The following ITPR2 variants were observed in gnomAD, a reference collection of about 807,000 sequenced individuals.
ITPR2 encodes the protein inositol 1,4,5-trisphosphate-gated calcium channel ITPR2.
Under a neutral mutation model 317.1 loss-of-function variants are expected in ITPR2, and 207 were observed. The observed-to-expected ratio is 0.65, with a 90% CI of 0.58 to 0.73. The LOEUF (loss-of-function observed/expected upper bound fraction) is 0.73, where lower values mean the gene tolerates loss of function less well. ITPR2 is among the 30% of genes least tolerant of loss of function. The probability of loss-of-function intolerance (pLI) is 0.00; values close to 1 mark genes in which losing one functional copy is unlikely to be tolerated. For synonymous variants in ITPR2, 1,156 were observed against 1,149.1 expected (o/e 1.01, Z -0.12); for missense variants, 2,613 against 3,284.0 (o/e 0.80, Z 4.99).
At chr12:26,427,632 T>C (rs911691151) in intron 49 of ITPR2, among the ~76,000 whole-genome samples, 3 of 152,160 alleles carry the variant, frequency 2.0e-5, no homozygotes, top group Admixed American at 6.5e-5. Flanking sequence ...GCTGTGGGTA[T>C]AGGATGCAGA....
intron 34 of ITPR2, among the ~76,000 whole-genome samples, chr12:26,567,969 T>TATTATATA: frequency 6.9e-5 from 1 of 14,404 alleles, no homozygotes; most frequent in East Asian, 8.3e-4. Flanking sequence ...TATATATATA[T>TATTATATA]TATATATATT....
chr12:26,561,833 A>C lies in ITPR2; in HGVS notation c.4750T>G (p.Ser1584Ala), dbSNP rs1944828476. 2 of 1,597,242 alleles carry C rather than the reference A, an allele frequency of 1.3e-6. No individual in the cohort carries two copies. The highest frequency in any genetic ancestry group is 1.7e-6 in the Non-Finnish European group (2 of 1,175,934). Residue 1584 changes from serine (S) to alanine (A), a missense_variant, in exon 35 of 57, where the codon TCT becomes GCT. Around this residue, in one of 9 missense-constraint regions of ITPR2, gnomAD observed 926 missense variants for 1,072.8 expected, o/e 0.86. Coordinates refer to ENST00000381340, the MANE Select transcript of ITPR2 (RefSeq NM_002223.4). ...AGAGCTTCCTTAAAGCGTGGCCCAG[A>C]GCGAGCTGATAGTCTCCAACCCATT... ...AAMGWRLSARSGPRFKEALGG... is the reference protein window; with the variant it reads ...AAMGWRLSARAGPRFKEALGG...
At chr12:26,369,483 T>A (rs547481425) in intron 55 of ITPR2, among the ~76,000 whole-genome samples, 3 of 152,200 alleles carry the variant, frequency 2.0e-5, no homozygotes, top group African/African-American at 7.2e-5. Context: ...ATGGAATGAA[T>A]GTACATCGTG....
At chr12:26,452,738 C>T (rs1159153843) in intron 45 of ITPR2, among the ~76,000 whole-genome samples, 7 of 152,186 alleles carry the variant, frequency 4.6e-5, no homozygotes, top group Non-Finnish European at 7.3e-5. Context: ...TGGTAGCACA[C>T]GCCTGCTTCC....
chr12:26,578,760 G>A lies in ITPR2; in HGVS notation c.4583C>T (p.Ala1528Val), dbSNP rs200190856. 5.9e-5 allele frequency: 95 copies of A among 1,611,084 alleles called. No homozygotes were observed. The highest frequency in any genetic ancestry group is 2.0e-4 in the East Asian group (9 of 44,832). ...RIYNCTWPNP[A>V]QKASVESCIR... ...ACAGGATTCCACTGAGGCTTTCTGC[G>A]CTGGGTTTGGCCAGGTGCAATTGTA... The change falls in exon 34 of 57, where the codon GCG (alanine) becomes GTG (valine). Residue 1528 changes from alanine to valine, a missense_variant. Coordinates refer to ENST00000381340, the MANE Select transcript of ITPR2 (RefSeq NM_002223.4).
intron 48 of ITPR2, among the ~76,000 whole-genome samples, chr12:26,435,786 A>C (rs945665202): frequency 6.6e-6 from 1 of 152,216 alleles, no homozygotes; most frequent in African/African-American, 2.4e-5. Context: ...GTATAGAATT[A>C]AAAATTATTT....
At chr12:26,647,168 A>G (rs995407118) in intron 21 of ITPR2, among the ~76,000 whole-genome samples, 1 of 152,246 alleles carries the variant, frequency 6.6e-6, no homozygotes, top group Non-Finnish European at 1.5e-5. Flanking sequence ...GTCCCGTTCA[A>G]ACAGCAAGCA....
At chr12:26,680,281 G>A (rs1948004313) in intron 13 of ITPR2, among the ~76,000 whole-genome samples, 1 of 151,948 alleles carries the variant, frequency 6.6e-6, no homozygotes, top group Non-Finnish European at 1.5e-5. Flanking sequence ...ATAATTTTCT[G>A]TATATACATA....
At chr12:26,788,254 T>TTA (rs753778349) in intron 2 of ITPR2, among the ~76,000 whole-genome samples, 1 of 152,202 alleles carries the variant, frequency 6.6e-6, no homozygotes, top group Non-Finnish European at 1.5e-5. Context: ...GCTTTTACAT[T>TTA]TATTCTCTGG....
intron 54 of ITPR2, among the ~76,000 whole-genome samples, chr12:26,393,478 A>G (rs1158035922): frequency 2.0e-5 from 3 of 152,154 alleles, no homozygotes; most frequent in Non-Finnish European, 2.9e-5. Context: ...CTTTAAGGGA[A>G]GGGAGCAGAA....
At chr12:26,491,482 CAAAAAAAAAAAAA>C (rs57612774) in intron 39 of ITPR2, among the ~76,000 whole-genome samples, 3,869 of 58,078 alleles carry the variant, frequency 0.067, 177 homozygotes, top group African/African-American at 0.19. Flanking sequence ...GACTCCATCT[CAAAAAAAAAAAAA>C]AAAAAAAAAA....
At chr12:26,559,685 T>C (rs979721717) in intron 35 of ITPR2, among the ~76,000 whole-genome samples, 3 of 152,190 alleles carry the variant, frequency 2.0e-5, no homozygotes, top group African/African-American at 7.2e-5. Context: ...CCTTATCTCA[T>C]AATATTTTCT....
At chr12:26,628,207 A>C in intron 22 of ITPR2, 45 bp from the exon 23 acceptor site, 1 of 1,492,310 alleles carries the variant, frequency 6.7e-7, no homozygotes, top group African/African-American at 1.4e-5. Flanking sequence ...TCATTAGCAT[A>C]GTATTTAAAA....
chr12:26,637,229 C>T (rs952953623), intron 21 of ITPR2, among the ~76,000 whole-genome samples: 4 of 152,056 alleles, frequency 2.6e-5, no homozygotes, highest in African/African-American at 9.7e-5. Flanking sequence ...CCAGGGACAT[C>T]TCAGGTGGGA....
chr12:26,654,289 C>A (rs1051480248), intron 20 of ITPR2, among the ~76,000 whole-genome samples, 163 bp from the exon 21 acceptor site: 1 of 152,090 alleles, frequency 6.6e-6, no homozygotes, highest in African/African-American at 2.4e-5. Context: ...CAAAAGCAAC[C>A]ACTTGAACTT....
At chr12:26,412,123 A>G (rs1417425457) in intron 51 of ITPR2, among the ~76,000 whole-genome samples, 1 of 152,204 alleles carries the variant, frequency 6.6e-6, no homozygotes, top group Non-Finnish European at 1.5e-5. Flanking sequence ...AGAGCCATCG[A>G]GGGAAGTCTT....
chr12:26,528,090 T>G (rs1197214506), intron 37 of ITPR2, among the ~76,000 whole-genome samples: 1 of 152,188 alleles, frequency 6.6e-6, no homozygotes, highest in East Asian at 1.9e-4. Flanking sequence ...GCTTGCCCCT[T>G]TGGAGAGTCT....
intron 13 of ITPR2, among the ~76,000 whole-genome samples, chr12:26,671,537 G>C (rs1452890892): frequency 2.4e-4 from 35 of 148,252 alleles, no homozygotes; most frequent in African/African-American, 6.7e-4. Flanking sequence ...CCTAAAAGAG[G>C]TCCTGAAGGA....
At chr12:26,694,112 C>T (rs1948290021) in intron 10 of ITPR2, among the ~76,000 whole-genome samples, 1 of 152,160 alleles carries the variant, frequency 6.6e-6, no homozygotes, top group African/African-American at 2.4e-5. Context: ...CCCTGACATC[C>T]AATAGGTGGT....
Sources: allele counts gnomAD v4.1 joint callset (sites outside exome capture counted in the v4.1 genomes callset), GRCh38; gene constraint gnomAD v4.1.1; regional missense constraint gnomAD v4.1.1; transcripts MANE v1.5; gene names NCBI Gene and HGNC (gene_info 2026-07-23, HGNC 2026-07-21).